Variants in FLT4 observed in about 807,000 individuals in gnomAD.
The protein encoded by FLT4 is fms related receptor tyrosine kinase 4, also known as vascular endothelial growth factor receptor 3.
FLT4 carries 30 observed loss-of-function variants against 163.2 expected under a neutral mutation model. The observed-to-expected ratio is 0.18, with a 90% CI of 0.14 to 0.25. The LOEUF (loss-of-function observed/expected upper bound fraction) is 0.25. Among genes scored for constraint, FLT4 ranks in the 10% least tolerant of loss-of-function variants. The pLI is 1.00. For synonymous variants in FLT4, 884 were observed against 789.5 expected, an observed-to-expected ratio of 1.12 and a Z score of -2.01; for missense variants, 1,510 against 1,863.8, an observed-to-expected ratio of 0.81 and a Z score of 3.50.
intron 1 of FLT4, among the ~76,000 whole-genome samples, chr5:180,632,592 G>A (rs1441734662): frequency 4.0e-5 from 6 of 149,260 alleles, no homozygotes; most frequent in African/African-American, 1.3e-4. Context: ...CCTCCTCCCC[G>A]TGAGGTGGTG....
In FLT4 at chr5:180,636,743, C is replaced by T. The variant is rs12654563; in HGVS notation, c.59-4965G>A. 0.85 allele frequency among the ~76,000 whole-genome samples: 129,259 copies of T among 151,864 alleles called. 55,590 individuals carry two copies. The highest frequency in any genetic ancestry group is 0.98 in the East Asian group (5,018 of 5,120). On this transcript the variant is annotated intron_variant, in intron 1 of 29. Coordinates refer to ENST00000261937, the MANE Select transcript of FLT4 (RefSeq NM_182925.5). This position sits in a 1 kb window ranked among gnomAD's most constrained non-coding sequence, Gnocchi z 4.3. Reference sequence around the variant, plus strand: ...GCCATCCCGGAACACCTGTCTTCTACGTCTCTCTCCCTGCTTCCCCTGTTC... The same window carrying T: ...GCCATCCCGGAACACCTGTCTTCTATGTCTCTCTCCCTGCTTCCCCTGTTC...
In FLT4 at chr5:180,602,911, C is replaced by G. The variant is rs567668741; in HGVS notation, c.*281G>C. On this transcript the variant is annotated 3_prime_UTR_variant, in exon 30 of 30. Transcript: ENST00000261937. ...AGACATTCCCATGGAAGTGCTGGCC[C>G]CGGGACCAGCACCTGCGGATGCTGA... The G allele has an allele frequency of 3.4e-6, 2 of 589,240 alleles. No individual in the cohort carries two copies. Among genetic ancestry groups the G allele is most frequent in the South Asian group, 4.2e-5 (2 of 47,758 alleles). The allele number at this position is 589,240 out of a possible 1,614,324, so 36.5% of individuals were successfully genotyped here.
At chr5:180,625,486 A>G (rs1174133068) in intron 10 of FLT4, among the ~76,000 whole-genome samples, 1 of 152,194 alleles carries the variant, frequency 6.6e-6, no homozygotes, top group African/African-American at 2.4e-5. Context: ...CCAGGGGCTC[A>G]GGTGACACCC....
chr5:180,608,154 G>C (rs1430416713), intron 29 of FLT4: 1 of 700,414 alleles, frequency 1.4e-6, no homozygotes, highest in Non-Finnish European at 2.6e-6. Context: ...TGTCCTCCTG[G>C]TTCCTCTTTG....
At chr5:180,612,960 G>A (rs759886095) in intron 25 of FLT4, 51 bp downstream of exon 25, 3 of 1,409,234 alleles carry the variant, frequency 2.1e-6, no homozygotes, top group African/African-American at 1.4e-5. Flanking sequence ...CAACCCCCAC[G>A]CCCCCGACGC....
chr5:180,621,893 C>T lies in FLT4; in HGVS notation c.1669G>A (p.Gly557Ser), dbSNP rs1238651080. ...IYFYVTTIPD[G>S]FTIESKPSEE... Reference sequence around the variant, plus strand: ...GATGGCTTGGATTCGATGGTGAAGCCGTCGGGGATGGCTGTGGAGGGAGGA... The same window carrying T: ...GATGGCTTGGATTCGATGGTGAAGCTGTCGGGGATGGCTGTGGAGGGAGGA... Residue 557 changes from glycine to serine, a missense_variant, in exon 13 of 30, where the codon GGC (glycine) becomes AGC (serine). By Grantham distance (56) the Gly-to-Ser change is moderately conservative. Around this residue, in one of 5 missense-constraint regions of FLT4, gnomAD observed 878 missense variants for 1,016.7 expected, o/e 0.86. Transcript: ENST00000261937. 3.1e-6 allele frequency: 5 copies of T among 1,613,372 alleles called. No homozygotes were observed. In the South Asian group the frequency reaches 3.3e-5, roughly 11 times the overall value.
intron 1 of FLT4, among the ~76,000 whole-genome samples, chr5:180,637,729 C>CA (rs1764795551): frequency 6.6e-6 from 1 of 152,148 alleles, no homozygotes; most frequent in African/African-American, 2.4e-5. Context: ...GGGGCTTCTC[C>CA]ATGTTGGTCA....
intron 18 of FLT4, 45 bp downstream of exon 18, chr5:180,619,620 G>T (rs760582381): frequency 1.3e-6 from 2 of 1,482,750 alleles, no homozygotes; most frequent in Non-Finnish European, 1.9e-6. Flanking sequence ...CCGAGCTGCT[G>T]CTCCTCACCA....
At chr5:180,613,414 CG>C in intron 24 of FLT4, 3 of 372,732 alleles carry the variant, frequency 8.0e-6, no homozygotes, top group South Asian at 6.2e-5. Context: ...TCATCAGCGG[CG>C]GGGGAGCCGC....
Position 180,643,241 on chromosome 5 carries a change from G to A in FLT4, c.58+6247C>T, listed in dbSNP as rs116129761. On this transcript the variant is annotated intron_variant, in intron 1 of 29. Coordinates refer to ENST00000261937, the MANE Select transcript of FLT4 (RefSeq NM_182925.5). ...CCCCGCTCATCCCCCACAGCCAATCGGTCACCAAGTGCCTCCATTCTGAGC... is the reference window on the plus strand; with the variant it reads ...CCCCGCTCATCCCCCACAGCCAATCAGTCACCAAGTGCCTCCATTCTGAGC... Among the ~76,000 whole-genome samples, 677 of 152,282 alleles carry A rather than the reference G, an allele frequency of 4.4e-3. 5 individuals carry two copies. The highest frequency in any genetic ancestry group is 0.016 in the African/African-American group (652 of 41,544).
rs766452541 is a variant in FLT4, at chr5:180,628,937, C to T, written c.1048G>A (p.Glu350Lys). ...GPILEATAGD[E>K]LVKLPVKLAA... Reference sequence around the variant, plus strand: ...AGCTTCACGGGCAGCTTCACCAGCTCGTCTCCTGCCGTGGCCTCCAGGATG... The same window carrying T: ...AGCTTCACGGGCAGCTTCACCAGCTTGTCTCCTGCCGTGGCCTCCAGGATG... Residue 350 changes from glutamate to lysine, a missense_variant, in exon 8 of 30, where the codon GAG becomes AAG. Transcript: ENST00000261937. The T allele has an allele frequency of 1.7e-5, 28 of 1,612,630 alleles. No individual in the cohort carries two copies. Among genetic ancestry groups the T allele is most frequent in the Middle Eastern group, 3.3e-4 (2 of 6,084 alleles).
At chr5:180,611,583 G>T in intron 26 of FLT4, 104 bp from the exon 27 acceptor site, 1 of 1,049,688 alleles carries the variant, frequency 9.5e-7, no homozygotes, top group Non-Finnish European at 1.3e-6. Context: ...CCTCACCCCC[G>T]CCCTCAGCCC....
rs728986 is a variant in FLT4 at position 180,624,118 on chromosome 5, A to G, written c.1422-57T>C. ...AGGGATACAGGCAGGAAGGGCCCAC[A>G]TGGGGGGCGGGGTCAAGCCCTTGTC... On this transcript the variant is annotated intron_variant, in intron 10 of 29. Coordinates refer to ENST00000261937, the MANE Select transcript of FLT4 (RefSeq NM_182925.5). 68 of 1,595,146 alleles carry G rather than the reference A, an allele frequency of 4.3e-5. 1 individual carries two copies. Among genetic ancestry groups the G allele is most frequent in the Middle Eastern group, 1.7e-4 (1 of 6,050 alleles).
chr5:180,646,720 C>T (rs1476060055), intron 1 of FLT4, among the ~76,000 whole-genome samples: 2 of 152,218 alleles, frequency 1.3e-5, no homozygotes, highest in Non-Finnish European at 2.9e-5. Flanking sequence ...CCTCCCTGGG[C>T]CACCCCGAAC....
In FLT4 at chr5:180,630,197, G is replaced by T. The variant is rs775747461; in HGVS notation, c.513+28C>A. The T allele has an allele frequency of 9.3e-6, 15 of 1,608,126 alleles. No individual in the cohort carries two copies. The highest frequency in any genetic ancestry group is 1.3e-5 in the Non-Finnish European group (15 of 1,176,142). On this transcript the variant is annotated intron_variant, in intron 4 of 29. Coordinates refer to ENST00000261937, the MANE Select transcript of FLT4 (RefSeq NM_182925.5). This position sits in a 1 kb window ranked among gnomAD's most constrained non-coding sequence, Gnocchi z 6.3. ...TTCCCAGGGGTGGGATGGGAGGGTCGGATGCTGGGGTTGGGGTGGGGCCGT... is the reference window on the plus strand; with the variant it reads ...TTCCCAGGGGTGGGATGGGAGGGTCTGATGCTGGGGTTGGGGTGGGGCCGT...
chr5:180,630,884 A>C lies in FLT4; in HGVS notation c.156-85T>G. 1 of 1,464,732 alleles carries C rather than the reference A, an allele frequency of 6.8e-7. No individual in the cohort carries two copies. Among genetic ancestry groups the C allele is most frequent in the Non-Finnish European group, 9.1e-7 (1 of 1,101,614 alleles). 90.7% of individuals were successfully genotyped at this position (1,464,732 alleles called of 1,614,324 possible). A position where few individuals can be genotyped will look rare whatever the true frequency, so the allele number is the denominator to read the frequency against. ...AGAAGCCTCCCTCAGGCCGAGCCTC[A>C]CCAGGTTTGTCTTACCCAGAGCATG... On this transcript the variant is annotated intron_variant, in intron 2 of 29. Coordinates refer to ENST00000261937, the MANE Select transcript of FLT4 (RefSeq NM_182925.5). This position sits in a 1 kb window ranked among gnomAD's most constrained non-coding sequence, Gnocchi z 6.3.
At chr5:180,640,489 C>T (rs1409181728) in intron 1 of FLT4, among the ~76,000 whole-genome samples, 1 of 152,222 alleles carries the variant, frequency 6.6e-6, no homozygotes, top group Non-Finnish European at 1.5e-5. Context: ...CAGGAAGGCC[C>T]ACGTAGGAGG....
At position 180,630,434 on chromosome 5, in the gene FLT4, C is replaced by T; in HGVS notation, c.401-97G>A. On this transcript the variant is annotated intron_variant, in intron 3 of 29. Coordinates refer to ENST00000261937, the MANE Select transcript of FLT4 (RefSeq NM_182925.5). This position sits in a 1 kb window ranked among gnomAD's most constrained non-coding sequence, Gnocchi z 6.3. ...GTGGTGCTGGTCCTGAACCAGCCACCCGCTGGAGCAGGTAGGGCCCCGTTC... is the reference window on the plus strand; with the variant it reads ...GTGGTGCTGGTCCTGAACCAGCCACTCGCTGGAGCAGGTAGGGCCCCGTTC... 6.4e-7 allele frequency: 1 copy of T among 1,558,650 alleles called. No individual in the cohort carries two copies. The highest frequency in any genetic ancestry group is 1.1e-5 in the South Asian group (1 of 89,186).
Position 180,621,197 on chromosome 5 carries a change from G to A in FLT4, c.2076C>T (p.Ser692=), listed in dbSNP as rs2127815108. 6 of 1,612,808 alleles carry A rather than the reference G, an allele frequency of 3.7e-6. No homozygotes were observed. Among genetic ancestry groups the A allele is most frequent in the Non-Finnish European group, 5.1e-6 (6 of 1,179,962 alleles). Residue 692 remains serine (S), a synonymous_variant, in exon 14 of 30, where the codon AGC becomes AGT. Coordinates refer to ENST00000261937, the MANE Select transcript of FLT4 (RefSeq NM_182925.5). Reference sequence around the variant, plus strand: ...CCAAGCACTGCATCTCCAGCGAGTCGCTCACGTTCACCAGGAGGTCGGTCA... The same window carrying A: ...CCAAGCACTGCATCTCCAGCGAGTCACTCACGTTCACCAGGAGGTCGGTCA... ...QNLTDLLVNV[S]DSLEMQCLVA... is the part of the protein sequence containing the mutation.
Sources: gnomAD v4.1 joint callset for allele counts (sites outside exome capture counted in the v4.1 genomes callset) on GRCh38, gnomAD v4.1.1 for gene constraint, gnomAD v4.1.1 regional missense constraint, Gnocchi (gnomAD v3.1) non-coding constraint, MANE v1.5 for transcripts, NCBI Gene and HGNC (gene_info 2026-07-23, HGNC 2026-07-21) for gene names.